Variants in NRG1 observed in about 807,000 individuals in gnomAD.
NRG1 encodes neuregulin 1.
A neutral mutation model predicts 63.8 loss-of-function variants in NRG1; 18 were observed. The observed-to-expected ratio is 0.28, with a 90% CI of 0.19 to 0.42. The LOEUF is 0.42. NRG1 is among the 10% of genes least tolerant of loss of function. The pLI is 1.00. For synonymous variants in NRG1, 302 were observed against 301.3 expected (o/e 1.00, Z -0.02); for missense variants, 762 against 814.7 (o/e 0.94, Z 0.79).
rs1815093808 is a variant in NRG1 at position 32,702,240 on chromosome 8, C to G, written c.503-25709C>G. On this transcript the variant is annotated intron_variant, in intron 5 of 11. Coordinates refer to ENST00000356819, the Ensembl canonical transcript of NRG1. ...GACTGCCCACATCTAAAAAATGACT[C>G]TAGGACATCACTCTCATGTATTTCC... Among the ~76,000 whole-genome samples, 3 of 152,286 alleles carry G rather than the reference C, an allele frequency of 2.0e-5. No individual in the cohort carries two copies. The South Asian group carries it at 6.2e-4, about 32-fold the overall frequency.
intron 1 of NRG1, among the ~76,000 whole-genome samples, chr8:31,651,780 G>T (rs541375033): frequency 6.6e-6 from 1 of 152,112 alleles, no homozygotes; most frequent in Non-Finnish European, 1.5e-5. Flanking sequence ...GCTGGGCTAG[G>T]TCCATTTTTT....
At chr8:32,209,129 G>A (rs1003772219) in intron 1 of NRG1, among the ~76,000 whole-genome samples, 1 of 152,006 alleles carries the variant, frequency 6.6e-6, no homozygotes, top group African/African-American at 2.4e-5. Flanking sequence ...GATAATAATG[G>A]TATCTGTGCC....
chr8:31,865,024 T>A lies in NRG1; in HGVS notation c.37+225593T>A, dbSNP rs192481708. 2.4e-4 allele frequency among the ~76,000 whole-genome samples: 36 copies of A among 152,288 alleles called. No homozygotes were observed. The East Asian group carries it at 5.0e-3, about 21-fold the overall frequency. Reference sequence around the variant, plus strand: ...ACTTCTAGCATGCTTTGCTTTAGATTTTCCCATTTCTCAGGTAAGGGCACA... The same window carrying A: ...ACTTCTAGCATGCTTTGCTTTAGATATTCCCATTTCTCAGGTAAGGGCACA... On this transcript the variant is annotated intron_variant, in intron 1 of 10. Coordinates refer to the NRG1 transcript ENST00000519301.
chr8:31,918,019 A>G (rs1254726558), intron 1 of NRG1, among the ~76,000 whole-genome samples: 1 of 152,150 alleles, frequency 6.6e-6, no homozygotes, highest in African/African-American at 2.4e-5. Context: ...TTATTGGTGT[A>G]TAAGAATGCT....
At chr8:32,408,269 C>G (rs973052994) in intron 1 of NRG1, among the ~76,000 whole-genome samples, 6 of 152,174 alleles carry the variant, frequency 3.9e-5, no homozygotes, top group Admixed American at 2.6e-4. Flanking sequence ...TTTTCCTGAT[C>G]ATGACCTTGC....
At chr8:31,729,976 T>C (rs1813853337) in intron 1 of NRG1, among the ~76,000 whole-genome samples, 1 of 152,152 alleles carries the variant, frequency 6.6e-6, no homozygotes, top group Non-Finnish European at 1.5e-5. Context: ...TAAGAAAGAA[T>C]TCCTACGGAG....
chr8:31,716,124 T>C (rs1812323656), intron 1 of NRG1, among the ~76,000 whole-genome samples: 1 of 152,302 alleles, frequency 6.6e-6, no homozygotes, highest in Admixed American at 6.5e-5. Context: ...TATGTAATGA[T>C]AGTCAGAGGG....
At chr8:32,726,172 G>A (rs1255926625) in intron 5 of NRG1, among the ~76,000 whole-genome samples, 1 of 151,924 alleles carries the variant, frequency 6.6e-6, no homozygotes, top group Non-Finnish European at 1.5e-5. Context: ...ACATCCTTAG[G>A]AATAAAGTTC....
At chr8:32,348,614 T>C (rs1209728919) in intron 1 of NRG1, among the ~76,000 whole-genome samples, 2 of 151,956 alleles carry the variant, frequency 1.3e-5, no homozygotes, top group African/African-American at 2.4e-5. Flanking sequence ...ACTTACTCAA[T>C]TGTATAGTGT....
At position 32,663,428 on chromosome 8, in the gene NRG1, A is replaced by G. The variant is rs1310164119; in HGVS notation, c.502+46543A>G. ...TTTTATCCATGTACAGATGCTTCACATAGCACCATGTATACTATAAGCTCT... is the reference window on the plus strand; with the variant it reads ...TTTTATCCATGTACAGATGCTTCACGTAGCACCATGTATACTATAAGCTCT... On this transcript the variant is annotated intron_variant, in intron 5 of 11. Coordinates refer to ENST00000356819, the Ensembl canonical transcript of NRG1. Among the ~76,000 whole-genome samples, 5 of 151,816 alleles carry G rather than the reference A, an allele frequency of 3.3e-5. No homozygotes were observed. In the East Asian group the frequency reaches 5.8e-4, roughly 18 times the overall value.
At chr8:31,809,741 G>GTTTTTTTTTTTTTTTTTTTTTTTTTTT (rs753730069) in intron 1 of NRG1, among the ~76,000 whole-genome samples, 1 of 68,018 alleles carries the variant, frequency 1.5e-5, no homozygotes, top group Non-Finnish European at 2.6e-5. Context: ...TCTATTAATT[G>GTTTTTTTTTTTTTTTTTTTTTTTTTTT]TTTTTTTTTT....
rs994193662 is a variant in NRG1, at chr8:32,703,539, A to AAAAAG, written c.503-24390_503-24386dup. Among the ~76,000 whole-genome samples the AAAAAG allele has an allele frequency of 8.5e-5, 13 of 152,048 alleles. No homozygotes were observed. The East Asian group carries it at 1.4e-3, about 16-fold the overall frequency. On this transcript the variant is annotated intron_variant, in intron 5 of 11. Transcript: ENST00000356819. ...CAGAGCGAGACCCTGTCTACAAAAA[A>AAAAAG]AAAAGAAAAGAAAAGAAAAGAAAAA...
chr8:32,456,683 G>A (rs1205221557), intron 1 of NRG1, among the ~76,000 whole-genome samples: 10 of 152,130 alleles, frequency 6.6e-5, no homozygotes, highest in African/African-American at 2.4e-4. Context: ...TATTTATGCT[G>A]CTGGTAAGGC....
intron 1 of NRG1, among the ~76,000 whole-genome samples, chr8:32,161,865 C>A (rs1838869259): frequency 6.6e-6 from 1 of 152,200 alleles, no homozygotes; most frequent in African/African-American, 2.4e-5. Context: ...CATACAATTC[C>A]TTCCAACACA....
At chr8:31,984,347 A>C (rs1809675519) in intron 1 of NRG1, among the ~76,000 whole-genome samples, 1 of 152,050 alleles carries the variant, frequency 6.6e-6, no homozygotes, top group Admixed American at 6.6e-5. Flanking sequence ...TATTTTGCCC[A>C]CTTCTCCATC....
At chr8:32,248,797 A>G (rs968600389) in intron 1 of NRG1, among the ~76,000 whole-genome samples, 5 of 152,096 alleles carry the variant, frequency 3.3e-5, no homozygotes, top group African/African-American at 1.2e-4. Context: ...AGTAGAATAG[A>G]AGCATACTTG....
chr8:32,696,503 A>G (rs1420345306), intron 5 of NRG1, among the ~76,000 whole-genome samples: 4 of 152,146 alleles, frequency 2.6e-5, no homozygotes, highest in Non-Finnish European at 5.9e-5. Context: ...CCTGGAAATT[A>G]TAATTTCAGA....
At chr8:31,724,387 G>T (rs1813220183) in intron 1 of NRG1, among the ~76,000 whole-genome samples, 1 of 152,102 alleles carries the variant, frequency 6.6e-6, no homozygotes, top group African/African-American at 2.4e-5. Context: ...AGGGAAAGAT[G>T]ATGTGTTCAG....
intron 1 of NRG1, among the ~76,000 whole-genome samples, chr8:32,123,125 C>G (rs1034011604): frequency 6.6e-6 from 1 of 151,934 alleles, no homozygotes; most frequent in Non-Finnish European, 1.5e-5. Flanking sequence ...TGATCAGATT[C>G]ACAGTGATTC....
Sources: gnomAD v4.1 joint callset for allele counts (sites outside exome capture counted in the v4.1 genomes callset) on GRCh38, gnomAD v4.1.1 for gene constraint, MANE v1.5 for transcripts, NCBI Gene and HGNC (gene_info 2026-07-23, HGNC 2026-07-21) for gene names.